The following NYAP2 variants were observed in gnomAD, a reference collection of about 807,000 sequenced individuals.
The protein encoded by NYAP2 is neuronal tyrosine-phosphorylated phosphoinositide-3-kinase adaptor 2.
In NYAP2, 23 loss-of-function variants were observed where a neutral mutation model predicts 50.4. The observed-to-expected ratio is 0.46, with a 90% CI of 0.33 to 0.65. NYAP2 has a LOEUF of 0.65. Among genes scored for constraint, NYAP2 ranks in the 30% least tolerant of loss-of-function variants. The pLI is 0.02. For missense variants in NYAP2, 885 were observed against 861.0 expected (o/e 1.03, Z -0.35); for synonymous variants, 394 against 365.2 (o/e 1.08, Z -0.90).
chr2:225,413,702 G>A (rs539847120), intron 3 of NYAP2, among the ~76,000 whole-genome samples: 2 of 152,234 alleles, frequency 1.3e-5, no homozygotes, highest in East Asian at 1.9e-4. Flanking sequence ...AACCTAACAC[G>A]TTTTAATATT....
chr2:225,437,706 C>T (rs376038957), intron 3 of NYAP2, among the ~76,000 whole-genome samples: 51 of 152,288 alleles, frequency 3.3e-4, no homozygotes, highest in South Asian at 2.5e-3. Context: ...ATGTGCTTCA[C>T]GTAAACATCT....
At chr2:225,432,137 C>T (rs982712029) in intron 3 of NYAP2, among the ~76,000 whole-genome samples, 1 of 150,076 alleles carries the variant, frequency 6.7e-6, no homozygotes, top group Non-Finnish European at 1.5e-5. Flanking sequence ...GCCACCACGC[C>T]CGCCTAATTT....
intron 3 of NYAP2, among the ~76,000 whole-genome samples, chr2:225,467,702 T>G (rs1356779250): frequency 6.6e-6 from 1 of 152,204 alleles, no homozygotes; most frequent in Non-Finnish European, 1.5e-5. Context: ...ACTCTGTGGC[T>G]CTGGGATACA....
At chr2:225,662,731 T>C in the NYAP2 span, among the ~76,000 whole-genome samples, 2 of 152,246 alleles carry the variant, frequency 1.3e-5, no homozygotes, top group African/African-American at 4.8e-5. Context: ...GGAGTAATCC[T>C]ACCCAACCCA....
Position 225,549,158 on chromosome 2 carries a change from G to A in NYAP2, c.524-32783G>A, listed in dbSNP as rs560103105. ...GGCCTCCCAAAGTGCCAAGATTACA[G>A]GTGTGAGCCACCATGCCCAGCCAGA... On this transcript the variant is annotated intron_variant, in intron 4 of 6. Transcript: ENST00000636099. Among the ~76,000 whole-genome samples the A allele has an allele frequency of 3.3e-5, 5 of 152,234 alleles. No individual in the cohort carries two copies. The South Asian group carries it at 8.3e-4, about 25-fold the overall frequency.
intron 4 of NYAP2, among the ~76,000 whole-genome samples, chr2:225,539,134 T>C (rs553821228): frequency 3.3e-5 from 5 of 152,288 alleles, no homozygotes; most frequent in South Asian, 4.1e-4. Flanking sequence ...CTGAGAATGA[T>C]GATTTCTAGC....
chr2:225,538,066 C>T (rs116399957), intron 4 of NYAP2, among the ~76,000 whole-genome samples: 1,685 of 152,310 alleles, frequency 0.011, 26 homozygotes, highest in African/African-American at 0.038. Flanking sequence ...TGGTCTCAGG[C>T]AGCTCCCCTG....
chr2:225,691,197 CT>C, the NYAP2 span, among the ~76,000 whole-genome samples: 80 of 147,934 alleles, frequency 5.4e-4, no homozygotes, highest in Admixed American at 1.1e-3. Flanking sequence ...GGAGTGAGCG[CT>C]TTTTTTTTTC....
At chr2:225,405,241 C>A (rs746309410) in intron 2 of NYAP2, among the ~76,000 whole-genome samples, 2 of 151,976 alleles carry the variant, frequency 1.3e-5, no homozygotes, top group Admixed American at 1.3e-4. Context: ...TCACAAATAC[C>A]TCATGCACCA....
chr2:225,475,191 A>T (rs1198480604), intron 3 of NYAP2, among the ~76,000 whole-genome samples: 1 of 152,220 alleles, frequency 6.6e-6, no homozygotes, highest in Non-Finnish European at 1.5e-5. Flanking sequence ...GGAATATATC[A>T]TCTGAAGAAT....
At position 225,511,327 on chromosome 2, in the gene NYAP2, AACACACACAC is replaced by A. The variant is rs571887973; in HGVS notation, c.222-2006_222-1997del. On this transcript the variant is annotated intron_variant, in intron 3 of 6. Coordinates refer to ENST00000636099, the Ensembl canonical transcript of NYAP2. ...GTATGTCTTAATTGCCGTTCTTTAA[AACACACACAC>A]ACACACACACACACACACACACACA... is the stretch of plus-strand genomic sequence containing the variant. Among the ~76,000 whole-genome samples the A allele has an allele frequency of 8.7e-3, 1,133 of 129,888 alleles. 18 individuals carry two copies. Among genetic ancestry groups the A allele is most frequent in the African/African-American group, 0.027 (903 of 33,126 alleles). The allele number at this position is 129,888 out of a possible 152,430, so 85.2% of individuals were successfully genotyped here.
chr2:225,484,301 C>T (rs182756238), intron 3 of NYAP2, among the ~76,000 whole-genome samples: 7 of 152,314 alleles, frequency 4.6e-5, no homozygotes, highest in East Asian at 1.9e-4. Context: ...TCAGTGTACA[C>T]GTCCCAAATG....
chr2:225,511,962 T>C (rs1690826325), intron 3 of NYAP2, among the ~76,000 whole-genome samples: 2 of 152,202 alleles, frequency 1.3e-5, no homozygotes, highest in South Asian at 4.1e-4. Context: ...CATTCAAACA[T>C]ATCTAAGAAA....
intron 5 of NYAP2, among the ~76,000 whole-genome samples, chr2:225,617,611 A>C (rs564037198): frequency 1.3e-5 from 2 of 152,316 alleles, no homozygotes; most frequent in South Asian, 4.1e-4. Flanking sequence ...AAATGATGTG[A>C]CTGTTCATAT....
intron 3 of NYAP2, among the ~76,000 whole-genome samples, chr2:225,451,131 A>G (rs74724107): frequency 0.02 from 3,028 of 152,242 alleles, 93 homozygotes; most frequent in African/African-American, 0.067. Context: ...TGGAAACCAG[A>G]TTGTAGAAGG....
intron 3 of NYAP2, among the ~76,000 whole-genome samples, chr2:225,427,426 T>A (rs1695303755): frequency 6.6e-6 from 1 of 152,220 alleles, no homozygotes; most frequent in South Asian, 2.1e-4. Flanking sequence ...CTTGACAGAT[T>A]GTAGTGAGGA....
chr2:225,702,560 A>G, the NYAP2 span: 1 of 151,796 alleles, frequency 6.6e-6, no homozygotes, highest in Non-Finnish European at 1.5e-5. Flanking sequence ...ACTAAACTTA[A>G]TGTCTAAGTA....
chr2:225,636,870 G>A (rs1440117860), intron 6 of NYAP2, among the ~76,000 whole-genome samples: 1 of 152,150 alleles, frequency 6.6e-6, no homozygotes, highest in Non-Finnish European at 1.5e-5. Flanking sequence ...TGGAATAGCA[G>A]AACCATCTAC....
chr2:225,699,242 C>G, the NYAP2 span: 1 of 151,898 alleles, frequency 6.6e-6, no homozygotes, highest in Non-Finnish European at 1.5e-5. Flanking sequence ...AATAACTAAG[C>G]AATGGTTAGT....
Sources: gnomAD v4.1 joint callset for allele counts (sites outside exome capture counted in the v4.1 genomes callset) on GRCh38, gnomAD v4.1.1 for gene constraint, MANE v1.5 for transcripts, NCBI Gene and HGNC (gene_info 2026-07-23, HGNC 2026-07-21) for gene names.